Variants in TANGO6 observed in about 807,000 individuals in gnomAD.
The protein encoded by TANGO6 is transport and golgi organization 6 homolog.
Under a neutral mutation model 114.2 loss-of-function variants are expected in TANGO6, and 90 were observed. The observed-to-expected ratio is 0.79, with a 90% CI of 0.66 to 0.94. The LOEUF is 0.94. Ranked by LOEUF, TANGO6 falls within the 40% of genes least tolerant of loss-of-function variation. TANGO6 has a pLI of 0.00. For synonymous variants in TANGO6, 477 were observed against 509.8 expected (o/e 0.94, Z 0.87); for missense variants, 1,274 against 1,315.3 (o/e 0.97, Z 0.49).
chr16:68,908,133 A>G (rs1267681335), intron 10 of TANGO6, among the ~76,000 whole-genome samples: 1 of 152,132 alleles, frequency 6.6e-6, no homozygotes, highest in East Asian at 1.9e-4. Flanking sequence ...GTATGACATC[A>G]TAAGCCAGTG....
At position 68,928,298 on chromosome 16, in the gene TANGO6, A is replaced by ATTTTT. The variant is rs10701295; in HGVS notation, c.2643+235_2643+239dup. Among the ~76,000 whole-genome samples, 876 of 98,564 alleles carry ATTTTT rather than the reference A, an allele frequency of 8.9e-3. 18 individuals carry two copies. Among genetic ancestry groups the ATTTTT allele is most frequent in the Non-Finnish European group, 0.011 (595 of 53,670 alleles). 64.7% of individuals were successfully genotyped at this position (98,564 alleles called of 152,430 possible). ...TCAAATGAATATGAACTGAGTGCCA[A>ATTTTT]TTTTTTTTTTTTTTTTTTTTTTTTG... On this transcript the variant is annotated intron_variant, in intron 13 of 17. Transcript: ENST00000261778.
intron 15 of TANGO6, among the ~76,000 whole-genome samples, chr16:68,981,210 C>CTTTTTTTTTTTTTTTTTT (rs553789256): frequency 4.5e-5 from 5 of 111,052 alleles, no homozygotes; most frequent in East Asian, 2.3e-4. Flanking sequence ...TTTTCTTTTC[C>CTTTTTTTTTTTTTTTTTT]TTTTTTTTTT....
intron 14 of TANGO6, among the ~76,000 whole-genome samples, chr16:68,943,433 G>A (rs1176848575): frequency 6.8e-5 from 10 of 146,956 alleles, no homozygotes; most frequent in African/African-American, 1.8e-4. Context: ...GCGCAGTCTT[G>A]GCTCCCTGCA....
At chr16:68,871,826 C>A (rs772537627) in intron 4 of TANGO6, among the ~76,000 whole-genome samples, 1 of 152,156 alleles carries the variant, frequency 6.6e-6, no homozygotes, top group Non-Finnish European at 1.5e-5. Flanking sequence ...CGACATATTG[C>A]CCAGGCAGGT....
chr16:68,860,139 A>G lies in TANGO6; in HGVS notation c.350A>G (p.Asn117Ser), dbSNP rs1249062951. ...ETMIRLAANFNPGKPNPRTPE... is the reference protein window; with the variant it reads ...ETMIRLAANFSPGKPNPRTPE... ...ATGATCCGCCTTGCAGCTAATTTCA[A>G]TCCAGGTAAACCCAACCCTAGGACT... The change falls in exon 2 of 18, where the codon AAT becomes AGT. Residue 117 changes from asparagine (N) to serine (S), a missense_variant. Around this residue, in one of 5 missense-constraint regions of TANGO6, gnomAD observed 908 missense variants for 910.2 expected, o/e 1.00. Transcript: ENST00000261778. 1.9e-6 allele frequency: 3 copies of G among 1,614,014 alleles called. No individual in the cohort carries two copies. Among genetic ancestry groups the G allele is most frequent in the Non-Finnish European group, 2.5e-6 (3 of 1,179,882 alleles).
In TANGO6 at chr16:68,863,054, C is replaced by A. The variant is rs1169640614; in HGVS notation, c.845C>A (p.Pro282Gln). Residue 282 changes from proline (P) to glutamine (Q), a missense_variant, in exon 3 of 18, where the codon CCA becomes CAA. Transcript: ENST00000261778. Reference protein sequence around the residue: ...VRELLILQGGPPQSCTDVKTQ... With the variant: ...VRELLILQGGQPQSCTDVKTQ... Reference sequence around the variant, plus strand: ...GAACTGCTTATCCTCCAGGGAGGACCACCCCAGGTACTCAGGCCTAGGGAC... The same window carrying A: ...GAACTGCTTATCCTCCAGGGAGGACAACCCCAGGTACTCAGGCCTAGGGAC... 2 of 1,566,262 alleles carry A rather than the reference C, an allele frequency of 1.3e-6. No individual in the cohort carries two copies. The highest frequency in any genetic ancestry group is 2.4e-5 in the South Asian group (2 of 83,736).
At chr16:69,016,045 T>C (rs977423251) in intron 15 of TANGO6, among the ~76,000 whole-genome samples, 1 of 152,162 alleles carries the variant, frequency 6.6e-6, no homozygotes, top group Non-Finnish European at 1.5e-5. Context: ...CTCACCCACA[T>C]TGTCAACTCC....
At chr16:69,007,611 A>C (rs1177124347) in intron 15 of TANGO6, among the ~76,000 whole-genome samples, 1 of 152,002 alleles carries the variant, frequency 6.6e-6, no homozygotes, top group African/African-American at 2.4e-5. Context: ...TGGATATGTG[A>C]ATTTTGGGCT....
At chr16:68,991,783 C>A (rs1218942460) in intron 15 of TANGO6, among the ~76,000 whole-genome samples, 1 of 152,144 alleles carries the variant, frequency 6.6e-6, no homozygotes, top group East Asian at 1.9e-4. Flanking sequence ...CAAGATCGTG[C>A]CACTGCACTC....
At chr16:69,003,081 C>A (rs1964058571) in intron 15 of TANGO6, among the ~76,000 whole-genome samples, 2 of 151,876 alleles carry the variant, frequency 1.3e-5, no homozygotes, top group South Asian at 4.2e-4. Flanking sequence ...TATCATTAAA[C>A]TTTAGCCAGG....
chr16:68,988,692 CTTTTTTTTT>C (rs397855895), intron 15 of TANGO6, among the ~76,000 whole-genome samples: 1,959 of 112,458 alleles, frequency 0.017, 50 homozygotes, highest in African/African-American at 0.066. Flanking sequence ...TTCTCTCTCT[CTTTTTTTTT>C]TTTTTTTTTT....
chr16:68,913,321 T>C (rs1597017097), intron 11 of TANGO6, among the ~76,000 whole-genome samples: 2 of 151,642 alleles, frequency 1.3e-5, no homozygotes, highest in African/African-American at 2.4e-5. Context: ...GTAGCTGATC[T>C]AGCAACTTGA....
intron 1 of TANGO6, among the ~76,000 whole-genome samples, chr16:68,858,604 CT>C (rs1176809752): frequency 6.6e-6 from 1 of 152,124 alleles, no homozygotes; most frequent in Non-Finnish European, 1.5e-5. Flanking sequence ...CCTCAGCCCC[CT>C]GAGTAGCTGA....
intron 17 of TANGO6, among the ~76,000 whole-genome samples, chr16:69,044,612 C>A (rs1006636262): frequency 6.6e-6 from 1 of 152,076 alleles, no homozygotes; most frequent in South Asian, 2.1e-4. Flanking sequence ...GTGGGGAAGC[C>A]ACAGAAGAGA....
rs185974715 is a variant in TANGO6 at position 68,904,847 on chromosome 16, C to G, written c.1667+2343C>G. Among the ~76,000 whole-genome samples the G allele has an allele frequency of 1.1e-3, 162 of 152,062 alleles. 1 individual carries two copies. Among genetic ancestry groups the G allele is most frequent in the Admixed American group, 0.011 (162 of 15,268 alleles). On this transcript the variant is annotated intron_variant, in intron 9 of 17. Coordinates refer to ENST00000261778, the MANE Select transcript of TANGO6 (RefSeq NM_024562.2). ...GGTATGGTGGTTCATACTGGTAATC[C>G]CAGCACTTTGGAAGGCCAAGGTGTG...
intron 16 of TANGO6, among the ~76,000 whole-genome samples, chr16:69,031,189 G>A (rs1051185834): frequency 7.2e-5 from 11 of 152,086 alleles, no homozygotes; most frequent in South Asian, 4.2e-4. Flanking sequence ...TAGAGACCTG[G>A]ACTGTTTCTA....
At chr16:68,926,489 G>A (rs569046597) in intron 12 of TANGO6, among the ~76,000 whole-genome samples, 6 of 151,218 alleles carry the variant, frequency 4.0e-5, no homozygotes, top group African/African-American at 7.3e-5. Flanking sequence ...GCGAGACTCC[G>A]TTTCCAAAAA....
At chr16:68,984,101 G>A (rs1195559211) in intron 15 of TANGO6, among the ~76,000 whole-genome samples, 1 of 151,716 alleles carries the variant, frequency 6.6e-6, no homozygotes, top group African/African-American at 2.4e-5. Context: ...CCATTTCACA[G>A]CACAGTCTTA....
chr16:69,073,093 C>T (rs926851119), intron 17 of TANGO6, among the ~76,000 whole-genome samples: 1 of 150,616 alleles, frequency 6.6e-6, no homozygotes, highest in African/African-American at 2.4e-5. Flanking sequence ...TCTAGAATTT[C>T]TATATATAGA....
Sources: allele counts gnomAD v4.1 joint callset (sites outside exome capture counted in the v4.1 genomes callset), GRCh38; gene constraint gnomAD v4.1.1; regional missense constraint gnomAD v4.1.1; transcripts MANE v1.5; gene names NCBI Gene and HGNC (gene_info 2026-07-23, HGNC 2026-07-21).